PSMG4: variants seen among roughly 807,000 people sequenced by gnomAD.
PSMG4 encodes the protein proteasome assembly chaperone 4.
Under a neutral mutation model 11.0 loss-of-function variants are expected in PSMG4, and 10 were observed. That is an observed-to-expected ratio of 0.91 (90% CI 0.56 to 1.54). PSMG4 has a LOEUF of 1.54. PSMG4 is among the 40% of genes most tolerant of loss of function. The probability of loss-of-function intolerance (pLI) is 0.00; values close to 1 mark genes in which losing one functional copy is unlikely to be tolerated. For synonymous variants in PSMG4, 95 were observed against 71.3 expected (o/e 1.33, Z -1.68); for missense variants, 198 against 160.9 (o/e 1.23, Z -1.25).
At chr6:3,260,852 G>A (rs1581550129) in intron 1 of PSMG4, among the ~76,000 whole-genome samples, 1 of 152,186 alleles carries the variant, frequency 6.6e-6, no homozygotes, top group South Asian at 2.1e-4. Context: ...AGGTGAACTC[G>A]GAGCACTCGA....
upstream of PSMG4, among the ~76,000 whole-genome samples, chr6:3,256,220 T>TG (rs796835672): frequency 4.4e-4 from 67 of 152,336 alleles, no homozygotes; most frequent in African/African-American, 1.6e-3. Flanking sequence ...TTCTCCACTA[T>TG]GATAGCTCCT....
intron 1 of PSMG4, among the ~76,000 whole-genome samples, chr6:3,261,901 C>T (rs1298217063): frequency 2.0e-5 from 3 of 152,204 alleles, no homozygotes; most frequent in African/African-American, 7.2e-5. Context: ...GAACTAGTTA[C>T]TATCTGGTCC....
At chr6:3,258,357 C>T (rs902761854), upstream of PSMG4, among the ~76,000 whole-genome samples, 1 of 152,224 alleles carries the variant, frequency 6.6e-6, no homozygotes, top group African/African-American at 2.4e-5. Context: ...CAAAAGGGTG[C>T]CTGCCCATCC....
rs1406803988 is a variant in PSMG4 at position 3,263,730 on chromosome 6, C to T, written c.221C>T (p.Thr74Met). The T allele has an allele frequency of 3.9e-6, 6 of 1,551,284 alleles. No homozygotes were observed. The highest frequency in any genetic ancestry group is 5.2e-6 in the Non-Finnish European group (6 of 1,146,784). Residue 74 changes from threonine to methionine, a missense_variant, in exon 2 of 3, where the codon ACG becomes ATG. Coordinates refer to ENST00000438998, the MANE Select transcript of PSMG4 (RefSeq NM_001128591.2). Reference sequence around the variant, plus strand: ...TCCCTCCTTGGAGACACTTCCGACACGACCTCTACTGGCCTTGCCCAGCGC... The same window carrying T: ...TCCCTCCTTGGAGACACTTCCGACATGACCTCTACTGGCCTTGCCCAGCGC... ...STSLLGDTSDTTSTGLAQRLA... is the reference protein window; with the variant it reads ...STSLLGDTSDMTSTGLAQRLA...
upstream of PSMG4, chr6:3,258,765 G>GGT (rs1757847106): frequency 2.9e-6 from 1 of 346,104 alleles, no homozygotes; most frequent in Non-Finnish European, 5.2e-6. Flanking sequence ...CGTCCAGAGA[G>GGT]GTACTGGTGT....
Position 3,267,951 on chromosome 6 carries a change from G to T in PSMG4, c.*239G>T. 2.7e-6 allele frequency: 1 copy of T among 364,622 alleles called. No individual in the cohort carries two copies. Among genetic ancestry groups the T allele is most frequent in the Non-Finnish European group, 5.1e-6 (1 of 196,610 alleles). 22.6% of individuals were successfully genotyped at this position (364,622 alleles called of 1,614,324 possible). ...GCTGTGAGTGATAGAGGGATGAAATGGGATTTTTGTTGGGATTGAAGACTG... is the reference window on the plus strand; with the variant it reads ...GCTGTGAGTGATAGAGGGATGAAATTGGATTTTTGTTGGGATTGAAGACTG... On this transcript the variant is annotated 3_prime_UTR_variant, in exon 3 of 3. Coordinates refer to ENST00000438998, the MANE Select transcript of PSMG4 (RefSeq NM_001128591.2).
chr6:3,261,434 G>T (rs74722248), intron 1 of PSMG4, among the ~76,000 whole-genome samples: 2 of 152,184 alleles, frequency 1.3e-5, no homozygotes, highest in Admixed American at 6.5e-5. Flanking sequence ...GCCACTTTGT[G>T]CAGTGCTGGT....
At chr6:3,255,586 C>T (rs747787368), upstream of PSMG4, among the ~76,000 whole-genome samples, 4 of 152,188 alleles carry the variant, frequency 2.6e-5, no homozygotes, top group African/African-American at 9.6e-5. Flanking sequence ...GTTACCCAGA[C>T]CCACTGCCTG....
At chr6:3,254,959 C>G (rs375948598), upstream of PSMG4, 38 of 1,387,630 alleles carry the variant, frequency 2.7e-5, no homozygotes, top group East Asian at 3.8e-4. Flanking sequence ...TTGGGTGTTG[C>G]AGAGCATGTG....
intron 1 of PSMG4, among the ~76,000 whole-genome samples, chr6:3,262,149 C>T (rs1174734055): frequency 6.6e-6 from 1 of 152,196 alleles, no homozygotes; most frequent in Non-Finnish European, 1.5e-5. Flanking sequence ...GGGCCCGTGC[C>T]TGCTCAGGGA....
upstream of PSMG4, among the ~76,000 whole-genome samples, chr6:3,255,939 C>T (rs573020507): frequency 3.3e-5 from 5 of 152,312 alleles, no homozygotes; most frequent in South Asian, 1.0e-3. Flanking sequence ...TACCATGTAC[C>T]TATGGCATTA....
chr6:3,260,289 A>ATTTTTTTT (rs1264357024), intron 1 of PSMG4, among the ~76,000 whole-genome samples: 147 of 31,050 alleles, frequency 4.7e-3, no homozygotes, highest in Middle Eastern at 0.014. Context: ...ATATATATAT[A>ATTTTTTTT]TATTTTTTTT....
At chr6:3,255,361 TC>T (rs1757725374), upstream of PSMG4, 3 of 1,438,508 alleles carry the variant, frequency 2.1e-6, no homozygotes, top group Non-Finnish European at 2.8e-6. Flanking sequence ...GCTTAATTTT[TC>T]CTGTGGTGGA....
At chr6:3,255,083 T>C (rs951553357), upstream of PSMG4, 1 of 1,550,924 alleles carries the variant, frequency 6.4e-7, no homozygotes, top group African/African-American at 1.4e-5. Flanking sequence ...CTTCTATTCC[T>C]AAGAAGTTGG....
chr6:3,255,339 T>G (rs953029087), upstream of PSMG4: 8 of 1,465,032 alleles, frequency 5.5e-6, no homozygotes, highest in African/African-American at 1.0e-4. Flanking sequence ...GGTGGAGTCA[T>G]TCTATGTAGT....
intron 2 of PSMG4, chr6:3,266,893 T>C (rs977009547): frequency 1.3e-5 from 2 of 151,590 alleles, no homozygotes; most frequent in Non-Finnish European, 2.9e-5. Flanking sequence ...TCTTGCTCTA[T>C]TGCCCAGGCT....
chr6:3,263,404 G>C (rs1023812974), intron 1 of PSMG4, among the ~76,000 whole-genome samples: 1 of 152,244 alleles, frequency 6.6e-6, no homozygotes, highest in Non-Finnish European at 1.5e-5. Flanking sequence ...TTTGGAGTTT[G>C]AGACACTAAA....
At chr6:3,260,292 T>TATATATATATATATATATA (rs1554129658) in intron 1 of PSMG4, among the ~76,000 whole-genome samples, 1 of 12,634 alleles carries the variant, frequency 7.9e-5, no homozygotes, top group African/African-American at 1.9e-4. Flanking sequence ...TATATATATA[T>TATATATATATATATATATA]TTTTTTTTTT....
chr6:3,261,575 A>G (rs1318644790), intron 1 of PSMG4, among the ~76,000 whole-genome samples: 1 of 152,222 alleles, frequency 6.6e-6, no homozygotes, highest in Admixed American at 6.5e-5. Context: ...AAAGCCAGGC[A>G]GGAAAAGGAA....
Sources: gnomAD v4.1 joint callset for allele counts (sites outside exome capture counted in the v4.1 genomes callset) on GRCh38, gnomAD v4.1.1 for gene constraint, MANE v1.5 for transcripts, NCBI Gene and HGNC (gene_info 2026-07-23, HGNC 2026-07-21) for gene names.